C5orf46: variants seen among roughly 807,000 people sequenced by gnomAD.
The protein encoded by C5orf46 is chromosome 5 open reading frame 46.
C5orf46 carries 9 observed loss-of-function variants against 8.9 expected under a neutral mutation model. That is an observed-to-expected ratio of 1.01 (90% confidence interval 0.61 to 1.76). The LOEUF is 1.76. Among genes scored for constraint, C5orf46 ranks in the 40% most tolerant of loss-of-function variants. The pLI, the probability that C5orf46 is intolerant of heterozygous loss-of-function variation, is 0.00. For synonymous variants in C5orf46, 47 were observed against 41.4 expected (o/e 1.14, Z -0.52); for missense variants, 98 against 107.8 (o/e 0.91, Z 0.40).
chr5:147,905,204 A>G (rs1757732267), intron 1 of C5orf46, among the ~76,000 whole-genome samples: 1 of 152,306 alleles, frequency 6.6e-6, no homozygotes, highest in South Asian at 2.1e-4. Context: ...TTCTTAGTGA[A>G]TGTGAATATA....
chr5:147,900,993 T>C (rs980341503), intron 2 of C5orf46, among the ~76,000 whole-genome samples: 2 of 152,228 alleles, frequency 1.3e-5, no homozygotes, highest in African/African-American at 4.8e-5. Flanking sequence ...GACTCTGGGA[T>C]TGGTGATCTG....
At chr5:147,898,764 A>G (rs1757622232) in intron 2 of C5orf46, among the ~76,000 whole-genome samples, 1 of 152,146 alleles carries the variant, frequency 6.6e-6, no homozygotes, top group Non-Finnish European at 1.5e-5. Flanking sequence ...CAGAGGGGAA[A>G]ATATTCCCTA....
intron 2 of C5orf46, 71 bp downstream of exon 2, chr5:147,901,558 G>C: frequency 7.2e-7 from 1 of 1,392,502 alleles, no homozygotes; most frequent in Admixed American, 2.1e-5. Flanking sequence ...GTATTTTAAT[G>C]CCATGAGGTC....
At chr5:147,901,506 A>T (rs1359456222) in intron 2 of C5orf46, 123 bp downstream of exon 2, 1 of 857,424 alleles carries the variant, frequency 1.2e-6, no homozygotes, top group Non-Finnish European at 1.7e-6. Flanking sequence ...TTTTTCAATG[A>T]AAAATAACAC....
chr5:147,901,606 G>A (rs1480373713), intron 2 of C5orf46, 23 bp downstream of exon 2: 2 of 1,607,182 alleles, frequency 1.2e-6, no homozygotes, highest in Non-Finnish European at 8.5e-7. Context: ...TGGACAAAAA[G>A]CAACGTTTTT....
downstream of C5orf46, among the ~76,000 whole-genome samples, chr5:147,888,180 C>T (rs772450907): frequency 1.3e-5 from 2 of 152,174 alleles, no homozygotes; most frequent in Non-Finnish European, 2.9e-5. Flanking sequence ...CATGTCCTGT[C>T]AACCTAATGT....
chr5:147,898,774 A>G (rs1757622443), intron 2 of C5orf46, among the ~76,000 whole-genome samples: 1 of 152,164 alleles, frequency 6.6e-6, no homozygotes, highest in African/African-American at 2.4e-5. Context: ...AATATTCCCT[A>G]GAATTAAGGG....
intron 2 of C5orf46, among the ~76,000 whole-genome samples, chr5:147,900,493 T>G (rs1757650259): frequency 6.6e-6 from 1 of 152,198 alleles, no homozygotes; most frequent in East Asian, 1.9e-4. Flanking sequence ...TAAATCACAC[T>G]GACACAAAAT....
chr5:147,887,007 G>A (rs917000329), intron 2 of C5orf46: 5 of 152,054 alleles, frequency 3.3e-5, no homozygotes, highest in African/African-American at 1.2e-4. Context: ...AATGCCTAGG[G>A]TATGATTGTT....
At chr5:147,897,154 C>G in intron 2 of C5orf46, 113 bp from the exon 3 acceptor site, 1 of 461,754 alleles carries the variant, frequency 2.2e-6, no homozygotes, top group Non-Finnish European at 3.9e-6. Context: ...CTAGATTTTT[C>G]TATGTCAGAA....
chr5:147,902,552 T>C (rs561715704), intron 1 of C5orf46, among the ~76,000 whole-genome samples: 3 of 152,324 alleles, frequency 2.0e-5, no homozygotes, highest in Admixed American at 6.5e-5. Context: ...TTTATCCTCA[T>C]AGCAATTCTA....
chr5:147,904,774 C>T (rs551109723), intron 1 of C5orf46, among the ~76,000 whole-genome samples: 4 of 151,762 alleles, frequency 2.6e-5, no homozygotes, highest in Admixed American at 6.6e-5. Flanking sequence ...AACTTTGCAT[C>T]TCTCAGTTTC....
chr5:147,892,131 C>T (rs972790640), downstream of C5orf46, among the ~76,000 whole-genome samples: 2 of 152,202 alleles, frequency 1.3e-5, no homozygotes, highest in African/African-American at 4.8e-5. Flanking sequence ...TCTTGTCTTA[C>T]TGTCCACAGT....
At chr5:147,903,821 C>T (rs980105134) in intron 1 of C5orf46, among the ~76,000 whole-genome samples, 3 of 152,160 alleles carry the variant, frequency 2.0e-5, no homozygotes, top group African/African-American at 7.2e-5. Flanking sequence ...GATTACAGCT[C>T]ACTGCAGGCT....
chr5:147,899,200 G>T (rs1033125225), intron 2 of C5orf46, among the ~76,000 whole-genome samples: 1 of 152,138 alleles, frequency 6.6e-6, no homozygotes. Flanking sequence ...ATGGCATTGT[G>T]CATTGGCTTA....
downstream of C5orf46, among the ~76,000 whole-genome samples, chr5:147,889,519 A>C (rs1757471149): frequency 6.6e-6 from 1 of 152,182 alleles, no homozygotes; most frequent in South Asian, 2.1e-4. Flanking sequence ...ACATTCTGTC[A>C]ATTAGTACAT....
intron 3 of C5orf46, among the ~76,000 whole-genome samples, chr5:147,894,112 C>G (rs6580505): frequency 0.15 from 23,540 of 152,044 alleles, 5,019 homozygotes; most frequent in African/African-American, 0.49. Flanking sequence ...TCCTATAGTA[C>G]ATTTTGCCTT....
At chr5:147,904,903 G>A (rs530388168) in intron 1 of C5orf46, among the ~76,000 whole-genome samples, 20 of 148,466 alleles carry the variant, frequency 1.3e-4, no homozygotes, top group African/African-American at 4.4e-4. Context: ...ACCACTTATC[G>A]TAGTACCAAT....
At chr5:147,890,001 G>A (rs1757478779), downstream of C5orf46, among the ~76,000 whole-genome samples, 1 of 152,266 alleles carries the variant, frequency 6.6e-6, no homozygotes, top group Non-Finnish European at 1.5e-5. Context: ...TGGTTGAAAT[G>A]CCCTTCCTTC....
Sources: gnomAD v4.1 joint callset for allele counts (sites outside exome capture counted in the v4.1 genomes callset) on GRCh38, gnomAD v4.1.1 for gene constraint, MANE v1.5 for transcripts, NCBI Gene and HGNC (gene_info 2026-07-23, HGNC 2026-07-21) for gene names.